The following BCAT1 variants were observed in gnomAD, a reference collection of about 807,000 sequenced individuals.
BCAT1 encodes the protein branched-chain-amino-acid aminotransferase, cytosolic.
A neutral mutation model predicts 52.4 loss-of-function variants in BCAT1; 48 were observed. The observed-to-expected ratio is 0.92, with a 90% CI of 0.73 to 1.16. BCAT1 has a LOEUF of 1.16. Among genes scored for constraint, BCAT1 ranks in the 50% most tolerant of loss-of-function variants. The probability of loss-of-function intolerance (pLI) is 0.00; values close to 1 mark genes in which losing one functional copy is unlikely to be tolerated. For missense variants in BCAT1, 451 were observed against 457.1 expected (o/e 0.99, Z 0.12); for synonymous variants, 167 against 161.3 (o/e 1.04, Z -0.27).
intron 1 of BCAT1, among the ~76,000 whole-genome samples, chr12:24,906,457 G>T (rs1943227274): frequency 6.6e-6 from 1 of 151,336 alleles, no homozygotes; most frequent in South Asian, 2.1e-4. Flanking sequence ...TGAATCATTG[G>T]CATAGAGGTG....
intron 1 of BCAT1, chr12:24,904,579 A>G (rs1204968029): frequency 1.3e-5 from 2 of 152,268 alleles, no homozygotes; most frequent in African/African-American, 4.8e-5. Flanking sequence ...TAAGGTCTCT[A>G]ATAGCCTTCA....
chr12:24,915,896 G>A (rs765318068), intron 1 of BCAT1, among the ~76,000 whole-genome samples: 7 of 152,184 alleles, frequency 4.6e-5, no homozygotes, highest in Non-Finnish European at 5.9e-5. Flanking sequence ...AGTGGCTCAC[G>A]CCTGTAATCC....
chr12:24,905,847 T>C (rs1169779466), intron 1 of BCAT1, among the ~76,000 whole-genome samples: 2 of 149,448 alleles, frequency 1.3e-5, no homozygotes, highest in Admixed American at 6.7e-5. Context: ...TGGAAGAGGG[T>C]CTGGGTGGAG....
At chr12:24,893,119 A>G (rs1942884878) in intron 3 of BCAT1, among the ~76,000 whole-genome samples, 1 of 152,206 alleles carries the variant, frequency 6.6e-6, no homozygotes, top group Non-Finnish European at 1.5e-5. Flanking sequence ...TAGGGGCTAT[A>G]TAACAGAAAG....
chr12:24,910,803 G>A (rs959833308), intron 1 of BCAT1, among the ~76,000 whole-genome samples: 1 of 152,122 alleles, frequency 6.6e-6, no homozygotes, highest in Non-Finnish European at 1.5e-5. Flanking sequence ...GGTTAATGGA[G>A]AACTTATAAT....
chr12:24,846,043 G>A (rs1328881878), intron 6 of BCAT1, among the ~76,000 whole-genome samples: 1 of 152,022 alleles, frequency 6.6e-6, no homozygotes, highest in Non-Finnish European at 1.5e-5. Flanking sequence ...AAAACACATA[G>A]AGAATTCTTA....
intron 7 of BCAT1, among the ~76,000 whole-genome samples, chr12:24,836,920 A>AAG (rs1940974871): frequency 1.3e-5 from 1 of 76,978 alleles, no homozygotes; most frequent in African/African-American, 3.8e-5. Context: ...GAAAGAAAGA[A>AAG]AGAAAGAAAG....
intron 1 of BCAT1, among the ~76,000 whole-genome samples, chr12:24,910,719 G>A (rs531555441): frequency 6.6e-6 from 1 of 152,302 alleles, no homozygotes; most frequent in African/African-American, 2.4e-5. Context: ...AAGTCTTCTT[G>A]ATGATCAAAA....
intron 1 of BCAT1, among the ~76,000 whole-genome samples, chr12:24,942,105 T>C (rs1943858787): frequency 6.6e-6 from 1 of 152,028 alleles, no homozygotes; most frequent in Non-Finnish European, 1.5e-5. Flanking sequence ...TTCAGACCAG[T>C]TGGGAGACTT....
chr12:24,944,747 G>T (rs1398436204), intron 1 of BCAT1, among the ~76,000 whole-genome samples: 1 of 152,174 alleles, frequency 6.6e-6, no homozygotes, highest in African/African-American at 2.4e-5. Context: ...ATTCTTAATG[G>T]AACTAGCTGA....
intron 5 of BCAT1, among the ~76,000 whole-genome samples, chr12:24,877,249 C>T (rs1414386579): frequency 2.0e-5 from 3 of 152,180 alleles, no homozygotes; most frequent in Non-Finnish European, 2.9e-5. Flanking sequence ...ATAGCAAAAG[C>T]GCTCTATCTC....
At chr12:24,828,251 T>G (rs1009965020) in intron 10 of BCAT1, among the ~76,000 whole-genome samples, 2 of 152,254 alleles carry the variant, frequency 1.3e-5, no homozygotes, top group Non-Finnish European at 2.9e-5. Flanking sequence ...GGATAGTAAC[T>G]GGCTTCAACA....
At chr12:24,878,720 G>A (rs1942415305) in intron 4 of BCAT1, 71 bp from the exon 5 acceptor site, 2 of 1,400,206 alleles carry the variant, frequency 1.4e-6, no homozygotes, top group East Asian at 2.4e-5. Context: ...GATCCTCACT[G>A]AAGCATTTAA....
intron 1 of BCAT1, among the ~76,000 whole-genome samples, chr12:24,923,398 C>A (rs1225043136): frequency 3.3e-5 from 5 of 152,158 alleles, no homozygotes; most frequent in Non-Finnish European, 7.4e-5. Flanking sequence ...GGACATGAAG[C>A]ATTCAAGTGT....
At chr12:24,877,485 C>A (rs1942379980) in intron 5 of BCAT1, among the ~76,000 whole-genome samples, 2 of 152,190 alleles carry the variant, frequency 1.3e-5, no homozygotes, top group South Asian at 4.1e-4. Flanking sequence ...ACAAGGGCAC[C>A]CAACCAAGAG....
At chr12:24,890,408 C>T (rs2139638581) in intron 3 of BCAT1, among the ~76,000 whole-genome samples, 1 of 152,230 alleles carries the variant, frequency 6.6e-6, no homozygotes, top group Middle Eastern at 3.4e-3. Flanking sequence ...TTCTAGGTCA[C>T]AGGATGAGAT....
intron 8 of BCAT1, chr12:24,834,377 T>C: frequency 1.0e-6 from 1 of 985,284 alleles, no homozygotes; most frequent in Non-Finnish European, 1.2e-6. Flanking sequence ...TGTTTGAATA[T>C]ATTCTTTGCT....
At chr12:24,869,270 C>T (rs372268906) in intron 5 of BCAT1, among the ~76,000 whole-genome samples, 6 of 152,132 alleles carry the variant, frequency 3.9e-5, no homozygotes, top group East Asian at 3.9e-4. Context: ...AAACTCCAAC[C>T]GGCCTGCACA....
intron 7 of BCAT1, 116 bp downstream of exon 7, chr12:24,841,966 T>C (rs558830196): frequency 2.3e-5 from 28 of 1,196,556 alleles, no homozygotes; most frequent in East Asian, 9.5e-5. Context: ...CAGTAGTCCT[T>C]ACTTAGCCTT....
Sources: allele counts gnomAD v4.1 joint callset (sites outside exome capture counted in the v4.1 genomes callset), GRCh38; gene constraint gnomAD v4.1.1; transcripts MANE v1.5; gene names NCBI Gene and HGNC (gene_info 2026-07-23, HGNC 2026-07-21).